The following KCTD1 variants were observed in gnomAD, a reference collection of about 807,000 sequenced individuals.
The protein encoded by KCTD1 is BTB/POZ domain-containing protein KCTD1.
KCTD1 carries 24 observed loss-of-function variants against 66.0 expected under a neutral mutation model. That is an observed-to-expected ratio of 0.36 (90% CI 0.26 to 0.51). KCTD1 has a LOEUF of 0.51. Ranked by LOEUF, KCTD1 falls within the 20% of genes least tolerant of loss-of-function variation. The probability of loss-of-function intolerance (pLI) is 0.95; values close to 1 mark genes in which losing one functional copy is unlikely to be tolerated. For missense variants in KCTD1, 943 were observed against 1,205.2 expected, an observed-to-expected ratio of 0.78 and a Z score of 3.22; for synonymous variants, 511 against 517.2, an observed-to-expected ratio of 0.99 and a Z score of 0.16.
intron 1 of KCTD1, among the ~76,000 whole-genome samples, chr18:26,656,580 G>C (rs1598988148): frequency 6.6e-6 from 1 of 151,802 alleles, no homozygotes; most frequent in East Asian, 2.0e-4. Flanking sequence ...GGCCCACAAA[G>C]GGGAGCGGCG....
Position 26,579,511 on chromosome 18 carries a change from G to C in KCTD1, c.-16+49636C>G, listed in dbSNP as rs527400144. Among the ~76,000 whole-genome samples, 45 of 152,172 alleles carry C rather than the reference G, an allele frequency of 3.0e-4. No individual in the cohort carries two copies. In the Middle Eastern group the frequency reaches 0.014, roughly 46 times the overall value. ...TCCACCTGATTTAGATAAAGTTAGG[G>C]TTTTCTGTACTGTTTCCCCTAAGAG... On this transcript the variant is annotated intron_variant, in intron 1 of 4. Transcript: ENST00000317932.
upstream of KCTD1, among the ~76,000 whole-genome samples, chr18:26,641,864 C>A (rs563910640): frequency 1.4e-3 from 212 of 152,192 alleles, no homozygotes; most frequent in African/African-American, 5.0e-3. Flanking sequence ...CCATTTAGAG[C>A]CAGAAGGAAT....
chr18:26,632,600 TAGTA>T (rs1406207584), upstream of KCTD1, among the ~76,000 whole-genome samples: 2 of 152,120 alleles, frequency 1.3e-5, no homozygotes, highest in East Asian at 1.9e-4. Context: ...AAATTAGAAT[TAGTA>T]AGAGAATACA....
intron 1 of KCTD1, among the ~76,000 whole-genome samples, chr18:26,636,098 G>A (rs927587843): frequency 2.0e-5 from 3 of 152,098 alleles, no homozygotes; most frequent in Non-Finnish European, 4.4e-5. Context: ...AACAGCAAGG[G>A]CCATTTGACG....
chr18:26,563,375 T>A (rs371940593), intron 1 of KCTD1, among the ~76,000 whole-genome samples: 33 of 152,146 alleles, frequency 2.2e-4, no homozygotes, highest in African/African-American at 8.0e-4. Context: ...TTTACAGGGG[T>A]CCACCATTCT....
upstream of KCTD1, chr18:26,548,705 C>T: frequency 2.1e-6 from 2 of 954,322 alleles, no homozygotes. Flanking sequence ...GGGGCAGCGG[C>T]GCGCAGGGGA....
upstream of KCTD1, chr18:26,549,053 C>T (rs1358393376): frequency 2.0e-6 from 2 of 985,024 alleles, no homozygotes; most frequent in East Asian, 1.1e-4. Context: ...CTGCGCCGGG[C>T]GGGCCGCGGG....
At chr18:26,475,788 G>A (rs1598883270) in intron 3 of KCTD1, among the ~76,000 whole-genome samples, 1 of 152,128 alleles carries the variant, frequency 6.6e-6, no homozygotes, top group East Asian at 1.9e-4. Context: ...GGAGGCAGAG[G>A]TTGCGGTGAG....
At chr18:26,558,567 A>G (rs142325907) in intron 1 of KCTD1, among the ~76,000 whole-genome samples, 241 of 152,342 alleles carry the variant, frequency 1.6e-3, no homozygotes, top group African/African-American at 5.7e-3. Flanking sequence ...GTGTCCATCA[A>G]CAGATGAATA....
intron 1 of KCTD1, among the ~76,000 whole-genome samples, chr18:26,618,049 T>A (rs1402437982): frequency 1.3e-5 from 2 of 151,840 alleles, no homozygotes; most frequent in Non-Finnish European, 2.9e-5. Context: ...GAAGGCAGTG[T>A]TAATGAGGAA....
At chr18:26,525,782 C>T (rs973434138) in intron 1 of KCTD1, among the ~76,000 whole-genome samples, 1 of 152,184 alleles carries the variant, frequency 6.6e-6, no homozygotes, top group Non-Finnish European at 1.5e-5. Flanking sequence ...AGTGCAGTGA[C>T]ATGATCATAG....
At chr18:26,509,158 T>TA (rs71376964) in intron 1 of KCTD1, among the ~76,000 whole-genome samples, 13,268 of 128,348 alleles carry the variant, frequency 0.1, 653 homozygotes, top group Middle Eastern at 0.18. Flanking sequence ...TTCACTTAAG[T>TA]AAAAAAAAAA....
chr18:26,615,622 C>T (rs1987233313), intron 1 of KCTD1, among the ~76,000 whole-genome samples: 1 of 152,102 alleles, frequency 6.6e-6, no homozygotes, highest in Admixed American at 6.5e-5. Flanking sequence ...TACTGGTCCC[C>T]TGAGAAATTT....
intron 3 of KCTD1, among the ~76,000 whole-genome samples, chr18:26,475,162 G>A (rs1432948720): frequency 6.6e-6 from 1 of 152,096 alleles, no homozygotes; most frequent in Non-Finnish European, 1.5e-5. Flanking sequence ...AGTCTGTTTT[G>A]ACGTTGATAG....
intron 1 of KCTD1, among the ~76,000 whole-genome samples, chr18:26,563,917 T>A (rs1985920493): frequency 6.6e-6 from 1 of 152,162 alleles, no homozygotes; most frequent in Non-Finnish European, 1.5e-5. Context: ...TCTCACTCTG[T>A]ATGGCAGATT....
chr18:26,596,300 CAAAG>C (rs891645809), intron 1 of KCTD1, among the ~76,000 whole-genome samples: 1 of 151,836 alleles, frequency 6.6e-6, no homozygotes, highest in African/African-American at 2.4e-5. Context: ...TTTGTGTGCA[CAAAG>C]AAAGGTCATT....
intron 2 of KCTD1, among the ~76,000 whole-genome samples, chr18:26,479,287 G>A (rs1567961634): frequency 1.3e-5 from 2 of 152,268 alleles, no homozygotes. Context: ...GCTGAGGAAG[G>A]CCTGAATTCC....
chr18:26,500,258 AT>A (rs143742617), intron 2 of KCTD1, among the ~76,000 whole-genome samples: 12,121 of 151,060 alleles, frequency 0.08, 510 homozygotes, highest in South Asian at 0.097. Flanking sequence ...TCTACAAAAA[AT>A]TTAAAAAAAA....
chr18:26,501,007 C>T, intron 2 of KCTD1, 65 bp downstream of exon 2: 8 of 1,564,772 alleles, frequency 5.1e-6, no homozygotes, highest in Non-Finnish European at 7.0e-6. Context: ...CTATGCTGGT[C>T]AAAGGAAAAA....
Sources: gnomAD v4.1 joint callset for allele counts (sites outside exome capture counted in the v4.1 genomes callset) on GRCh38, gnomAD v4.1.1 for gene constraint, MANE v1.5 for transcripts, NCBI Gene and HGNC (gene_info 2026-07-23, HGNC 2026-07-21) for gene names.